Variants in STAP2 observed in about 807,000 individuals in gnomAD.
The protein encoded by STAP2 is signal transducing adaptor family member 2, also known as signal-transducing adaptor protein 2.
STAP2 carries 58 observed loss-of-function variants against 52.7 expected under a neutral mutation model. That is an observed-to-expected ratio of 1.10 (90% CI 0.89 to 1.37). The LOEUF (loss-of-function observed/expected upper bound fraction) is 1.37, where lower values mean the gene tolerates loss of function less well. STAP2 is among the 40% of genes most tolerant of loss of function. The pLI is 0.00. For synonymous variants in STAP2, 231 were observed against 210.5 expected (o/e 1.10, Z -0.84); for missense variants, 522 against 519.4 (o/e 1.00, Z -0.05).
intron 1 of STAP2, among the ~76,000 whole-genome samples, chr19:4,335,825 C>T (rs1042710357): frequency 6.6e-5 from 10 of 152,116 alleles, no homozygotes; most frequent in African/African-American, 2.4e-4. Flanking sequence ...TGGGAAGCAC[C>T]AGGGCCTGCG....
chr19:4,335,525 C>T (rs746560213), intron 1 of STAP2, among the ~76,000 whole-genome samples: 20 of 152,020 alleles, frequency 1.3e-4, no homozygotes, highest in Non-Finnish European at 2.6e-4. Flanking sequence ...TTCACCAAGC[C>T]TCCACTCATC....
chr19:4,333,653 G>A (rs1971927988), intron 3 of STAP2, 41 bp downstream of exon 3: 4 of 1,577,580 alleles, frequency 2.5e-6, no homozygotes, highest in Non-Finnish European at 3.4e-6. Context: ...AGCATCTTCT[G>A]CAAGCACCGC....
intron 10 of STAP2, 24 bp downstream of exon 10, chr19:4,325,372 T>C: frequency 6.2e-7 from 1 of 1,614,204 alleles, no homozygotes; most frequent in South Asian, 1.1e-5. Context: ...CCCCCAGCTC[T>C]CAGCAGCTCT....
chr19:4,338,805 T>A lies in STAP2; in HGVS notation c.-52A>T. 1.9e-6 allele frequency: 3 copies of A among 1,575,564 alleles called. No homozygotes were observed. Among genetic ancestry groups the A allele is most frequent in the Non-Finnish European group, 2.6e-6 (3 of 1,156,652 alleles). ...CTCTCCTTCCAGTGGGTGCCCCAGC[T>A]GGGCCGGGAAGCTGAGAAACAGGTT... On this transcript the variant is annotated 5_prime_UTR_variant, in exon 1 of 13. Coordinates refer to ENST00000594605, the MANE Select transcript of STAP2 (RefSeq NM_001013841.2).
chr19:4,332,488 G>A (rs894979166), intron 3 of STAP2, among the ~76,000 whole-genome samples: 3 of 151,868 alleles, frequency 2.0e-5, no homozygotes, highest in Non-Finnish European at 4.4e-5. Flanking sequence ...TTACAGGCAT[G>A]AGCCACCATG....
chr19:4,337,875 C>G (rs1023525576), intron 1 of STAP2, among the ~76,000 whole-genome samples: 1 of 151,674 alleles, frequency 6.6e-6, no homozygotes, highest in African/African-American at 2.4e-5. Flanking sequence ...AAAATAAAAG[C>G]CAGAAGAGGC....
intron 1 of STAP2, among the ~76,000 whole-genome samples, chr19:4,337,899 G>A (rs574130660): frequency 1.3e-5 from 2 of 151,892 alleles, no homozygotes; most frequent in Non-Finnish European, 2.9e-5. Context: ...GCATGCCTGT[G>A]GTCCCAGCTA....
chr19:4,328,627 T>G (rs1236666747), intron 6 of STAP2, 48 bp downstream of exon 6: 29 of 1,068,036 alleles, frequency 2.7e-5, no homozygotes, highest in African/African-American at 5.5e-5. Context: ...GCGCCCACCC[T>G]CTTCCCACCC....
Sources: allele counts gnomAD v4.1 joint callset (sites outside exome capture counted in the v4.1 genomes callset), GRCh38; gene constraint gnomAD v4.1.1; transcripts MANE v1.5; gene names NCBI Gene and HGNC (gene_info 2026-07-23, HGNC 2026-07-21).